XKR4: variants seen among roughly 807,000 people sequenced by gnomAD.
The protein encoded by XKR4 is XK-related protein 4.
XKR4 carries 12 observed loss-of-function variants against 53.9 expected under a neutral mutation model. The observed-to-expected ratio is 0.22, with a 90% CI of 0.14 to 0.36. The LOEUF is 0.36. XKR4 is among the 10% of genes least tolerant of loss of function. XKR4 has a pLI of 1.00. For missense variants in XKR4, 799 were observed against 859.5 expected (o/e 0.93, Z 0.88); for synonymous variants, 354 against 362.4 (o/e 0.98, Z 0.26).
intron 1 of XKR4, among the ~76,000 whole-genome samples, chr8:55,260,353 A>G (rs556768362): frequency 4.6e-5 from 7 of 152,350 alleles, no homozygotes; most frequent in African/African-American, 1.7e-4. Flanking sequence ...GTAAATAGAC[A>G]AAATGGATCT....
chr8:55,312,952 A>T (rs1819408611), intron 1 of XKR4, among the ~76,000 whole-genome samples: 1 of 152,176 alleles, frequency 6.6e-6, no homozygotes, highest in Non-Finnish European at 1.5e-5. Flanking sequence ...TAGATTCTTT[A>T]AACAAGACAA....
intron 2 of XKR4, among the ~76,000 whole-genome samples, chr8:55,372,260 C>A (rs1020664748): frequency 6.6e-6 from 1 of 152,200 alleles, no homozygotes; most frequent in African/African-American, 2.4e-5. Flanking sequence ...CATTTGCCAA[C>A]CTCTAACCTC....
At chr8:55,472,437 GCTGA>G (rs569925330) in intron 2 of XKR4, among the ~76,000 whole-genome samples, 407 of 152,202 alleles carry the variant, frequency 2.7e-3, no homozygotes, top group Middle Eastern at 0.01. Flanking sequence ...GCATTGTTAT[GCTGA>G]CTATTATTAG....
chr8:55,234,686 A>G (rs1818094038), intron 1 of XKR4, among the ~76,000 whole-genome samples: 1 of 152,260 alleles, frequency 6.6e-6, no homozygotes. Flanking sequence ...TAGGCATTGT[A>G]ATCTGGCAGG....
At chr8:55,334,553 T>C (rs1481481421) in intron 1 of XKR4, among the ~76,000 whole-genome samples, 1 of 152,208 alleles carries the variant, frequency 6.6e-6, no homozygotes, top group Non-Finnish European at 1.5e-5. Context: ...TGATGTATAC[T>C]CAAGGTTGAT....
At chr8:55,496,402 T>A (rs1395360971) in intron 2 of XKR4, among the ~76,000 whole-genome samples, 2 of 152,202 alleles carry the variant, frequency 1.3e-5, no homozygotes, top group African/African-American at 4.8e-5. Context: ...AAATTACCAT[T>A]TGAGCCAACC....
At chr8:55,201,155 T>C (rs1393413056) in intron 1 of XKR4, among the ~76,000 whole-genome samples, 1 of 152,230 alleles carries the variant, frequency 6.6e-6, no homozygotes, top group African/African-American at 2.4e-5. Flanking sequence ...AAATTGACTT[T>C]ATGTCTGCTA....
chr8:55,213,856 C>CTTTTTTTTTTT (rs11433893), intron 1 of XKR4, among the ~76,000 whole-genome samples: 18 of 82,350 alleles, frequency 2.2e-4, no homozygotes, highest in African/African-American at 6.0e-4. Context: ...TTCTTTCTTT[C>CTTTTTTTTTTT]TTTTTTTTTT....
At chr8:55,257,281 CAG>C (rs1285332897) in intron 1 of XKR4, among the ~76,000 whole-genome samples, 2 of 152,028 alleles carry the variant, frequency 1.3e-5, no homozygotes, top group African/African-American at 4.8e-5. Context: ...AAATAAAGGA[CAG>C]GGCATCAAGT....
intron 2 of XKR4, among the ~76,000 whole-genome samples, chr8:55,414,621 A>G (rs1295922252): frequency 6.6e-6 from 1 of 151,752 alleles, no homozygotes; most frequent in Non-Finnish European, 1.5e-5. Flanking sequence ...CCAGCCCACA[A>G]CTAAGGAAAG....
intron 2 of XKR4, chr8:55,454,473 T>C: frequency 8.5e-7 from 1 of 1,179,308 alleles, no homozygotes; most frequent in South Asian, 1.3e-5. Flanking sequence ...TCGTGCTCCA[T>C]GAGGGTGGCA....
intron 2 of XKR4, among the ~76,000 whole-genome samples, chr8:55,373,894 G>A (rs1210951009): frequency 6.6e-6 from 1 of 152,152 alleles, no homozygotes; most frequent in Non-Finnish European, 1.5e-5. Context: ...AGCAAAGGGA[G>A]TGAGTATTGA....
Position 55,135,415 on chromosome 8 carries a change from G to A in XKR4, c.806+32121G>A. 6.2e-6 allele frequency: 2 copies of A among 324,884 alleles called. 1 individual carries two copies. The highest frequency in any genetic ancestry group is 1.3e-5 in the Non-Finnish European group (2 of 158,454). 20.1% of individuals were successfully genotyped at this position (324,884 alleles called of 1,614,324 possible). A position where few individuals can be genotyped will look rare whatever the true frequency, so the allele number is the denominator to read the frequency against. ...CATAGTAGATATGCAATATATATTT[G>A]TTGGATGTTGTATGAATAGGGACAG... is the stretch of plus-strand genomic sequence containing the variant. On this transcript the variant is annotated intron_variant, in intron 1 of 2. Coordinates refer to ENST00000327381, the MANE Select transcript of XKR4 (RefSeq NM_052898.2).
intron 2 of XKR4, among the ~76,000 whole-genome samples, chr8:55,485,506 T>C (rs1806178694): frequency 2.6e-5 from 4 of 152,238 alleles, no homozygotes; most frequent in Admixed American, 2.6e-4. Context: ...TAATACTATT[T>C]ACAGTCACTC....
Position 55,155,553 on chromosome 8 carries a change from GA to G in XKR4, c.806+52272del, listed in dbSNP as rs547963847. ...GGAATTTAAGATAAGGTAGAAGTGT[GA>G]AAAAAAAAAAAAGAAGTCGAGGATT... On this transcript the variant is annotated intron_variant, in intron 1 of 2. Coordinates refer to ENST00000327381, the MANE Select transcript of XKR4 (RefSeq NM_052898.2). Among the ~76,000 whole-genome samples the G allele has an allele frequency of 5.2e-3, 674 of 129,218 alleles. 3 individuals carry two copies. The highest frequency in any genetic ancestry group is 0.012 in the African/African-American group (418 of 35,026). The allele number at this position is 129,218 out of a possible 152,430, so 84.8% of individuals were successfully genotyped here.
intron 2 of XKR4, among the ~76,000 whole-genome samples, chr8:55,495,727 G>A (rs1355029253): frequency 6.6e-6 from 1 of 152,226 alleles, no homozygotes; most frequent in African/African-American, 2.4e-5. Flanking sequence ...AGCTGCGAGA[G>A]GTTGGATTGG....
At position 55,523,694 on chromosome 8, in the gene XKR4, C is replaced by T; in HGVS notation, c.1420C>T (p.Leu474Phe). Residue 474 changes from leucine (L) to phenylalanine (F), a missense_variant, in exon 3 of 3, where the codon CTC becomes TTC. Around this residue, in one of 3 missense-constraint regions of XKR4, gnomAD observed 269 missense variants for 264.4 expected, o/e 1.02. Transcript: ENST00000327381. ...TTTGGAAAATACAGCCTTGAGTGCC[C>T]TCTGGTACCTCTACAAGGCTCCCCA... ...ILLENTALSA[L>F]WYLYKAPQIA... 6 of 1,614,174 alleles carry T rather than the reference C, an allele frequency of 3.7e-6. No homozygotes were observed. The highest frequency in any genetic ancestry group is 5.1e-6 in the Non-Finnish European group (6 of 1,180,034).
chr8:55,252,507 AC>A (rs1441118533), intron 1 of XKR4, among the ~76,000 whole-genome samples: 1 of 152,200 alleles, frequency 6.6e-6, no homozygotes, highest in African/African-American at 2.4e-5. Context: ...GGCAACCAAC[AC>A]AAGACGCCGC....
chr8:55,497,478 T>G (rs1806369274), intron 2 of XKR4, among the ~76,000 whole-genome samples: 1 of 152,242 alleles, frequency 6.6e-6, no homozygotes, highest in African/African-American at 2.4e-5. Flanking sequence ...TTTTGCTTTA[T>G]TAACTTATTT....
Sources: gnomAD v4.1 joint callset for allele counts (sites outside exome capture counted in the v4.1 genomes callset) on GRCh38, gnomAD v4.1.1 for gene constraint, gnomAD v4.1.1 regional missense constraint, MANE v1.5 for transcripts, NCBI Gene and HGNC (gene_info 2026-07-23, HGNC 2026-07-21) for gene names.